The following CHSY3 variants were observed in gnomAD, a reference collection of about 807,000 sequenced individuals.
The protein encoded by CHSY3 is N-acetylgalactosaminyl-proteoglycan 3-beta-glucuronosyltransferase 3.
A neutral mutation model predicts 67.2 loss-of-function variants in CHSY3; 35 were observed. The ratio of observed to expected loss-of-function variants is 0.52; its 90% CI spans 0.40 to 0.69. CHSY3 has a LOEUF of 0.69. Ranked by LOEUF, CHSY3 falls within the 30% of genes least tolerant of loss-of-function variation. CHSY3 has a pLI of 0.00. For missense variants in CHSY3, 1,069 were observed against 1,138.5 expected, an observed-to-expected ratio of 0.94 and a Z score of 0.88; for synonymous variants, 474 against 434.7, an observed-to-expected ratio of 1.09 and a Z score of -1.12.
intron 2 of CHSY3, among the ~76,000 whole-genome samples, chr5:130,102,177 G>T (rs1767267192): frequency 6.6e-6 from 1 of 151,910 alleles, no homozygotes; most frequent in Admixed American, 6.6e-5. Flanking sequence ...TATTTCAGTG[G>T]TATATTAAAG....
intron 2 of CHSY3, among the ~76,000 whole-genome samples, chr5:130,161,040 G>A (rs1769527135): frequency 1.3e-5 from 2 of 151,682 alleles, no homozygotes; most frequent in South Asian, 4.2e-4. Context: ...TGGTAGCTGG[G>A]ACTACAGGCA....
chr5:129,970,888 ACT>A (rs1762623173), intron 2 of CHSY3, among the ~76,000 whole-genome samples: 1 of 151,844 alleles, frequency 6.6e-6, no homozygotes, highest in Non-Finnish European at 1.5e-5. Context: ...ACTGTTTATA[ACT>A]CTAAATTATT....
At chr5:129,995,303 G>A (rs936411449) in intron 2 of CHSY3, among the ~76,000 whole-genome samples, 2 of 151,754 alleles carry the variant, frequency 1.3e-5, no homozygotes, top group African/African-American at 4.8e-5. Flanking sequence ...TTGATTTGTA[G>A]GAGGTCCTCA....
intron 2 of CHSY3, among the ~76,000 whole-genome samples, chr5:130,076,595 A>G (rs1414111696): frequency 6.6e-6 from 1 of 151,896 alleles, no homozygotes; most frequent in Non-Finnish European, 1.5e-5. Context: ...ATATTCCTAC[A>G]TGCACACTTC....
chr5:129,956,253 G>C (rs1762169767), intron 2 of CHSY3, among the ~76,000 whole-genome samples: 1 of 151,922 alleles, frequency 6.6e-6, no homozygotes, highest in Non-Finnish European at 1.5e-5. Context: ...TTTAATAATA[G>C]CCATTTTGAT....
intron 2 of CHSY3, among the ~76,000 whole-genome samples, chr5:129,948,375 G>T (rs936718925): frequency 1.3e-5 from 2 of 151,958 alleles, no homozygotes; most frequent in Admixed American, 1.3e-4. Flanking sequence ...CCATTGTATT[G>T]TTCTTATGCC....
intron 2 of CHSY3, among the ~76,000 whole-genome samples, chr5:129,956,434 T>C (rs377255602): frequency 1.3e-5 from 2 of 152,294 alleles, no homozygotes; most frequent in African/African-American, 4.8e-5. Context: ...TTGTTTAGGT[T>C]CCTTATAGAT....
intron 2 of CHSY3, among the ~76,000 whole-genome samples, chr5:130,027,375 G>A (rs1764576672): frequency 6.6e-6 from 1 of 152,054 alleles, no homozygotes; most frequent in Admixed American, 6.6e-5. Flanking sequence ...TATGTCACCT[G>A]TAAAAGAAAT....
chr5:129,987,775 A>T (rs974561274), intron 2 of CHSY3, among the ~76,000 whole-genome samples: 1 of 152,332 alleles, frequency 6.6e-6, no homozygotes, highest in African/African-American at 2.4e-5. Context: ...CAGAAAAAAT[A>T]AGCATAAATA....
intron 2 of CHSY3, among the ~76,000 whole-genome samples, chr5:130,081,725 C>A (rs2149686953): frequency 6.6e-6 from 1 of 152,158 alleles, no homozygotes; most frequent in African/African-American, 2.4e-5. Context: ...TGCCTTCTAC[C>A]ATGTGAGATG....
chr5:129,988,018 T>C (rs1033763880), intron 2 of CHSY3, among the ~76,000 whole-genome samples: 1 of 152,194 alleles, frequency 6.6e-6, no homozygotes, highest in Non-Finnish European at 1.5e-5. Context: ...CCTGAAATAA[T>C]CTACAGATAT....
At chr5:130,032,650 A>T (rs755907649) in intron 2 of CHSY3, among the ~76,000 whole-genome samples, 2 of 152,126 alleles carry the variant, frequency 1.3e-5, no homozygotes, top group African/African-American at 2.4e-5. Context: ...AGATTTCAGT[A>T]GACCACTCTG....
chr5:129,992,125 G>A (rs1763386427), intron 2 of CHSY3, among the ~76,000 whole-genome samples: 1 of 152,206 alleles, frequency 6.6e-6, no homozygotes, highest in Non-Finnish European at 1.5e-5. Context: ...GCTCAAATCA[G>A]CCATGTGACC....
chr5:130,130,290 C>A (rs1293814160), intron 2 of CHSY3, among the ~76,000 whole-genome samples: 1 of 152,066 alleles, frequency 6.6e-6, no homozygotes, highest in Non-Finnish European at 1.5e-5. Flanking sequence ...TTATGCATTT[C>A]TGACTTCCAA....
intron 2 of CHSY3, among the ~76,000 whole-genome samples, chr5:129,935,749 C>T (rs1272911454): frequency 6.6e-6 from 1 of 152,200 alleles, no homozygotes; most frequent in African/African-American, 2.4e-5. Context: ...ACAACATTTA[C>T]AGCTCTCAAG....
chr5:130,160,249 T>C (rs1317931915), intron 2 of CHSY3, among the ~76,000 whole-genome samples: 1 of 152,222 alleles, frequency 6.6e-6, no homozygotes, highest in Non-Finnish European at 1.5e-5. Flanking sequence ...AAGTTCCTTG[T>C]CCATCTGACT....
At chr5:129,939,329 G>T (rs922166212) in intron 2 of CHSY3, among the ~76,000 whole-genome samples, 11 of 152,144 alleles carry the variant, frequency 7.2e-5, no homozygotes, top group Non-Finnish European at 1.3e-4. Flanking sequence ...GGGACACAGA[G>T]CCAAACCATA....
chr5:130,107,795 A>T (rs931318133), intron 2 of CHSY3, among the ~76,000 whole-genome samples: 1 of 151,580 alleles, frequency 6.6e-6, no homozygotes, highest in East Asian at 1.9e-4. Flanking sequence ...ATGCCTGCAA[A>T]GCAAGCTCTA....
intron 2 of CHSY3, among the ~76,000 whole-genome samples, chr5:130,065,519 G>A (rs62391435): frequency 6.6e-6 from 1 of 152,060 alleles, no homozygotes; most frequent in Admixed American, 6.6e-5. Flanking sequence ...CATCCTCTAT[G>A]TGACCCTTTC....
Sources: gnomAD v4.1 joint callset for allele counts (sites outside exome capture counted in the v4.1 genomes callset) on GRCh38, gnomAD v4.1.1 for gene constraint, MANE v1.5 for transcripts, NCBI Gene and HGNC (gene_info 2026-07-23, HGNC 2026-07-21) for gene names.